OTUD3: variants seen among roughly 807,000 people sequenced by gnomAD.
OTUD3 encodes the protein OTU domain-containing protein 3.
OTUD3 carries 24 observed loss-of-function variants against 46.2 expected under a neutral mutation model. The ratio of observed to expected loss-of-function variants is 0.52; its 90% CI spans 0.38 to 0.73. OTUD3 has a LOEUF of 0.73. Ranked by LOEUF, OTUD3 falls within the 30% of genes least tolerant of loss-of-function variation. The probability of loss-of-function intolerance (pLI) is 0.00; values close to 1 mark genes in which losing one functional copy is unlikely to be tolerated. For synonymous variants in OTUD3, 189 were observed against 195.4 expected, an observed-to-expected ratio of 0.97 and a Z score of 0.27; for missense variants, 455 against 523.3, an observed-to-expected ratio of 0.87 and a Z score of 1.27.
At chr1:19,903,040 C>CTTTTTTTTTTTT (rs36114504) in intron 4 of OTUD3, among the ~76,000 whole-genome samples, 1 of 58,052 alleles carries the variant, frequency 1.7e-5, no homozygotes, top group Admixed American at 2.2e-4. Context: ...AATCTTTTCT[C>CTTTTTTTTTTTT]TTTTTTTTTT....
At chr1:19,896,375 A>G (rs1471645034) in intron 3 of OTUD3, among the ~76,000 whole-genome samples, 1 of 151,582 alleles carries the variant, frequency 6.6e-6, no homozygotes, top group Non-Finnish European at 1.5e-5. Context: ...TTCATAATAT[A>G]TATATATATT....
rs943074873 is a variant in OTUD3 at position 19,909,518 on chromosome 1, G to A, written c.*1772G>A. 3.3e-5 allele frequency: 5 copies of A among 152,326 alleles called. No homozygotes were observed. The highest frequency in any genetic ancestry group is 7.2e-5 in the African/African-American group (3 of 41,446). 9.4% of individuals were successfully genotyped at this position (152,326 alleles called of 1,614,324 possible). ...TGCCTTACTCTAAGGAAGTGGGATC[G>A]AGTGCGTTAGGATCTATGGTTGTCT... On this transcript the variant is annotated 3_prime_UTR_variant, in exon 8 of 8. Coordinates refer to ENST00000375120, the MANE Select transcript of OTUD3 (RefSeq NM_015207.2).
chr1:19,904,959 G>A lies in OTUD3; in HGVS notation c.807G>A (p.Val269=). 1.3e-6 allele frequency: 2 copies of A among 1,588,184 alleles called. No individual in the cohort carries two copies. The highest frequency in any genetic ancestry group is 8.6e-7 in the Non-Finnish European group (1 of 1,157,304). The change falls in exon 6 of 8, where the codon GTG becomes GTA. Residue 269 remains valine, a synonymous_variant. Transcript: ENST00000375120. ...ATATTGAATCTGCAATAATTGCCGT[G>A]CTTCGGATGAACCAAGGGAAGAGAA... ...NYNIESAIIA[V]LRMNQGKRNN...
Position 19,901,230 on chromosome 1 carries a change from G to T in OTUD3, c.607-3037G>T, listed in dbSNP as rs4654925. On this transcript the variant is annotated intron_variant, in intron 4 of 7. Coordinates refer to ENST00000375120, the MANE Select transcript of OTUD3 (RefSeq NM_015207.2). ...CGGCCCTATTGAGTTTTTTAAAATT[G>T]GAATCTCATTAAATTAATAGAGTAA... Among the ~76,000 whole-genome samples the T allele has an allele frequency of 4.9e-3, 745 of 151,968 alleles. 7 individuals are homozygous for T. Among genetic ancestry groups the T allele is most frequent in the African/African-American group, 0.017 (717 of 41,430 alleles).
At chr1:19,893,597 T>C (rs1347416961) in intron 2 of OTUD3, among the ~76,000 whole-genome samples, 2 of 152,172 alleles carry the variant, frequency 1.3e-5, no homozygotes, top group Non-Finnish European at 2.9e-5. Flanking sequence ...GTCTCCCCTC[T>C]CACCCTATCA....
At chr1:19,902,507 T>C (rs1283489061) in intron 4 of OTUD3, among the ~76,000 whole-genome samples, 2 of 152,202 alleles carry the variant, frequency 1.3e-5, no homozygotes, top group Non-Finnish European at 2.9e-5. Context: ...GCCCGGCCAG[T>C]ATCTTAAAGT....
intron 1 of OTUD3, among the ~76,000 whole-genome samples, chr1:19,886,422 A>G (rs771544779): frequency 1.3e-5 from 2 of 152,174 alleles, no homozygotes; most frequent in African/African-American, 2.4e-5. Context: ...GCATTCACAC[A>G]TCATCTTGTC....
Position 19,882,738 on chromosome 1 carries a change from A to G in OTUD3, c.221+4A>G. On this transcript the variant is annotated splice_donor_region_variant and intron_variant, in intron 1 of 7. Transcript: ENST00000375120. ...TGCGGGAGGTGCCGGGGGACGGGTG[A>G]GGCGGGCCGGGAGCGAGGGAGGCGG... 7.5e-7 allele frequency: 1 copy of G among 1,337,710 alleles called. No homozygotes were observed. The highest frequency in any genetic ancestry group is 1.9e-5 in the South Asian group (1 of 51,946). The allele number at this position is 1,337,710 out of a possible 1,614,324, so 82.9% of individuals were successfully genotyped here. A position where few individuals can be genotyped will look rare whatever the true frequency, so the allele number is the denominator to read the frequency against.
rs2045696380 is a variant in OTUD3, at chr1:19,908,663, T to C, written c.*917T>C. 6.6e-6 allele frequency: 1 copy of C among 152,380 alleles called. No individual in the cohort carries two copies. Among genetic ancestry groups the C allele is most frequent in the Non-Finnish European group, 1.5e-5 (1 of 68,040 alleles). 9.4% of individuals were successfully genotyped at this position (152,380 alleles called of 1,614,324 possible). On this transcript the variant is annotated 3_prime_UTR_variant, in exon 8 of 8. Coordinates refer to ENST00000375120, the MANE Select transcript of OTUD3 (RefSeq NM_015207.2). ...TAGGAGAAGCCTGGAAGAATAAGGT[T>C]TTTCATGTTCGCATTTTAAATAACG...
At chr1:19,884,588 T>C (rs1283932852) in intron 1 of OTUD3, among the ~76,000 whole-genome samples, 1 of 152,084 alleles carries the variant, frequency 6.6e-6, no homozygotes, top group African/African-American at 2.4e-5. Flanking sequence ...TTATATGGGT[T>C]ATAGCTATGA....
At chr1:19,900,926 T>G (rs2315060) in intron 4 of OTUD3, among the ~76,000 whole-genome samples, 16,219 of 147,546 alleles carry the variant, frequency 0.11, 985 homozygotes, top group Admixed American at 0.15. Context: ...GTTTTTTTTT[T>G]TTTTTTTTTG....
chr1:19,901,010 A>T (rs1193159923), intron 4 of OTUD3, among the ~76,000 whole-genome samples: 1 of 150,172 alleles, frequency 6.7e-6, no homozygotes, highest in African/African-American at 2.5e-5. Context: ...CCCGGGTTCA[A>T]GCGATTCTCC....
chr1:19,884,199 G>A (rs1213739737), intron 1 of OTUD3, among the ~76,000 whole-genome samples: 1 of 152,190 alleles, frequency 6.6e-6, no homozygotes, highest in Non-Finnish European at 1.5e-5. Context: ...CCTTGCAAAT[G>A]ATTGGATTGC....
Position 19,908,366 on chromosome 1 carries a change from G to A in OTUD3, c.*620G>A, listed in dbSNP as rs1479092974. The A allele has an allele frequency of 1.3e-5, 2 of 152,368 alleles. No individual in the cohort carries two copies. The highest frequency in any genetic ancestry group is 2.9e-5 in the Non-Finnish European group (2 of 68,042). 9.4% of individuals were successfully genotyped at this position (152,368 alleles called of 1,614,324 possible). On this transcript the variant is annotated 3_prime_UTR_variant, in exon 8 of 8. Coordinates refer to ENST00000375120, the MANE Select transcript of OTUD3 (RefSeq NM_015207.2). ...CATTTCTCTCCTTCCTGATTCTGATGTTATTTCAGATGGGATGCAGGTGCT... is the reference window on the plus strand; with the variant it reads ...CATTTCTCTCCTTCCTGATTCTGATATTATTTCAGATGGGATGCAGGTGCT...
chr1:19,888,327 CTTTG>C (rs1364198660), intron 1 of OTUD3, among the ~76,000 whole-genome samples: 1 of 152,122 alleles, frequency 6.6e-6, no homozygotes, highest in Non-Finnish European at 1.5e-5. Context: ...CCTAGAGGCC[CTTTG>C]GGCAGCGGTG....
intron 4 of OTUD3, 88 bp from the exon 5 acceptor site, chr1:19,904,179 T>A: frequency 9.5e-7 from 1 of 1,051,568 alleles, no homozygotes; most frequent in Non-Finnish European, 1.3e-6. Context: ...ATATATGAAT[T>A]TTTCCAGATT....
At position 19,882,451 on chromosome 1, in the gene OTUD3, G is replaced by T; in HGVS notation, c.-63G>T. On this transcript the variant is annotated 5_prime_UTR_variant, in exon 1 of 8. Transcript: ENST00000375120. ...GCGCTGTTTTACCTTCCCAACGCTT[G>T]AGGCGGACGCTGGGGGGTCCTGCGC... The T allele has an allele frequency of 7.6e-7, 1 of 1,321,242 alleles. No homozygotes were observed. Among genetic ancestry groups the T allele is most frequent in the South Asian group, 2.1e-5 (1 of 46,894 alleles). The allele number at this position is 1,321,242 out of a possible 1,614,324, so 81.8% of individuals were successfully genotyped here.
Position 19,904,350 on chromosome 1 carries a change from T to G in OTUD3, c.690T>G (p.Asp230Glu). Reference sequence around the variant, plus strand: ...TGGACTCTGAAGACGACCTGAGAGATGAAGTAGAGGATGCTGTCCAGAAAG... The same window carrying G: ...TGGACTCTGAAGACGACCTGAGAGAGGAAGTAGAGGATGCTGTCCAGAAAG... ...KGMDSEDDLRDEVEDAVQKVC... is the reference protein window; with the variant it reads ...KGMDSEDDLREEVEDAVQKVC... The change falls in exon 5 of 8, where the codon GAT becomes GAG. Residue 230 changes from aspartate to glutamate, a missense_variant. By Grantham distance (45) the Asp-to-Glu change is conservative. Coordinates refer to ENST00000375120, the MANE Select transcript of OTUD3 (RefSeq NM_015207.2). 6.2e-7 allele frequency: 1 copy of G among 1,612,980 alleles called. No individual in the cohort carries two copies. Among genetic ancestry groups the G allele is most frequent in the Non-Finnish European group, 8.5e-7 (1 of 1,179,308 alleles).
In OTUD3 at chr1:19,910,100, G is replaced by T. The variant is rs58576018; in HGVS notation, c.*2354G>T. The stretch of plus-strand genomic sequence containing the variant: ...GGAATCAACATGCTTAGTTGCCTCA[G>T]TGGGCACTTGAAAATTCCTTCACTG... On this transcript the variant is annotated 3_prime_UTR_variant, in exon 8 of 8. Coordinates refer to ENST00000375120, the MANE Select transcript of OTUD3 (RefSeq NM_015207.2). 5 of 152,518 alleles carry T rather than the reference G, an allele frequency of 3.3e-5. No individual in the cohort carries two copies. The highest frequency in any genetic ancestry group is 1.2e-4 in the African/African-American group (5 of 41,586). 9.4% of individuals were successfully genotyped at this position (152,518 alleles called of 1,614,324 possible). A position where few individuals can be genotyped will look rare whatever the true frequency, so the allele number is the denominator to read the frequency against.
Sources: gnomAD v4.1 joint callset for allele counts (sites outside exome capture counted in the v4.1 genomes callset) on GRCh38, gnomAD v4.1.1 for gene constraint, MANE v1.5 for transcripts, NCBI Gene and HGNC (gene_info 2026-07-23, HGNC 2026-07-21) for gene names.